The following ABCC3 variants were observed in gnomAD, a reference collection of about 807,000 sequenced individuals.
ABCC3 encodes ATP-binding cassette sub-family C member 3.
A neutral mutation model predicts 165.3 loss-of-function variants in ABCC3; 121 were observed. The observed-to-expected ratio is 0.73, with a 90% confidence interval of 0.63 to 0.85. The LOEUF (loss-of-function observed/expected upper bound fraction) is 0.85, where lower values mean the gene tolerates loss of function less well. Among genes scored for constraint, ABCC3 ranks in the 40% least tolerant of loss-of-function variants. The pLI is 0.00. For synonymous variants in ABCC3, 733 were observed against 810.1 expected, an observed-to-expected ratio of 0.90 and a Z score of 1.62; for missense variants, 1,869 against 1,964.1, an observed-to-expected ratio of 0.95 and a Z score of 0.92.
intron 30 of ABCC3, among the ~76,000 whole-genome samples, chr17:50,689,972 C>T (rs575300027): frequency 2.0e-5 from 3 of 152,214 alleles, no homozygotes; most frequent in South Asian, 2.1e-4. Context: ...ATAGGAAGGA[C>T]GCAAAGGCCT....
Position 50,678,187 on chromosome 17 carries a change from C to A in ABCC3, c.3673C>A (p.Leu1225Met). 6.5e-7 allele frequency: 1 copy of A among 1,538,208 alleles called. No homozygotes were observed. The highest frequency in any genetic ancestry group is 8.7e-7 in the Non-Finnish European group (1 of 1,143,882). Residue 1225 changes from leucine (L) to methionine (M), a missense_variant, in exon 25 of 31, where the codon CTG (leucine) becomes ATG (methionine). Leu to Met is a conservative substitution (Grantham distance 15). Transcript: ENST00000285238. ...CGGGAGGAGCAGCCTGAACCCGGGG[C>A]TGGTGGGCCTTTCTGTGTCCTACTC... ...VIGRSSLNPGLVGLSVSYSLQ... is the reference protein window; with the variant it reads ...VIGRSSLNPGMVGLSVSYSLQ...
intron 23 of ABCC3, 152 bp downstream of exon 23, chr17:50,676,740 C>A (rs1171330097): frequency 9.3e-6 from 7 of 748,872 alleles, no homozygotes; most frequent in African/African-American, 1.8e-5. Flanking sequence ...TTAGGGGAGC[C>A]ATTACTTAAC....
Position 50,655,916 on chromosome 17 carries a change from T to G in ABCC3, c.130T>G (p.Tyr44Asp), listed in dbSNP as rs755835594. ...CCTGCTGGCCTGGGTGCCCTGCATCTACCTGTGGGTCGCCCTGCCCTGCTA... is the reference window on the plus strand; with the variant it reads ...CCTGCTGGCCTGGGTGCCCTGCATCGACCTGTGGGTCGCCCTGCCCTGCTA... ...NSLLAWVPCI[Y>D]LWVALPCYLL... is the part of the protein sequence containing the mutation. Residue 44 changes from tyrosine (Y) to aspartate (D), a missense_variant, in exon 2 of 31, where the codon TAC becomes GAC. Tyr to Asp is a radical substitution (Grantham distance 160). Coordinates refer to ENST00000285238, the MANE Select transcript of ABCC3 (RefSeq NM_003786.4). The G allele has an allele frequency of 1.9e-6, 3 of 1,613,954 alleles. No individual in the cohort carries two copies. Among genetic ancestry groups the G allele is most frequent in the South Asian group, 1.1e-5 (1 of 91,080 alleles).
At chr17:50,659,843 G>A (rs911329252) in intron 7 of ABCC3, among the ~76,000 whole-genome samples, 2 of 152,126 alleles carry the variant, frequency 1.3e-5, no homozygotes, top group South Asian at 2.1e-4. Context: ...AAGATGAGCC[G>A]GGCATGGTGG....
At chr17:50,679,363 A>T (rs1208462636) in intron 25 of ABCC3, 1 of 154,342 alleles carries the variant, frequency 6.5e-6, no homozygotes, top group Non-Finnish European at 1.4e-5. Flanking sequence ...TAGACCTAGG[A>T]TGGGGCTCAG....
chr17:50,670,772 T>C (rs757252426), intron 17 of ABCC3, among the ~76,000 whole-genome samples: 3 of 152,114 alleles, frequency 2.0e-5, no homozygotes, highest in Non-Finnish European at 4.4e-5. Flanking sequence ...TCTGGGGCCA[T>C]GGAACCCTGT....
chr17:50,658,092 C>T lies in ABCC3; in HGVS notation c.497C>T (p.Ser166Leu), dbSNP rs750111001. Reference sequence around the variant, plus strand: ...CACTCTCCCACCCAGGGTGAGATCTCAGACCCCTTCCGCTTCACCACCTTC... The same window carrying T: ...CACTCTCCCACCCAGGGTGAGATCTTAGACCCCTTCCGCTTCACCACCTTC... ...ILLAKAEGEI[S>L]DPFRFTTFYI... The change falls in exon 5 of 31, where the codon TCA becomes TTA. Residue 166 changes from serine (S) to leucine (L), a missense_variant. Transcript: ENST00000285238. 2 of 1,614,074 alleles carry T rather than the reference C, an allele frequency of 1.2e-6. No homozygotes were observed. The highest frequency in any genetic ancestry group is 2.7e-5 in the African/African-American group (2 of 74,936).
Position 50,687,548 on chromosome 17 carries a change from G to A in ABCC3, c.4293G>A (p.Arg1431=). The change falls in exon 30 of 31, where the codon AGG becomes AGA. Residue 1431 remains arginine, a synonymous_variant. Transcript: ENST00000285238. Reference sequence around the variant, plus strand: ...TCTCCACTCCCAGCGTGGGCCAGAGGCAGCTCGTGTGCCTGGCCCGAGCCC... The same window carrying A: ...TCTCCACTCCCAGCGTGGGCCAGAGACAGCTCGTGTGCCTGGCCCGAGCCC... ...EGGENLSVGQ[R]QLVCLARALL... 1 of 1,613,460 alleles carries A rather than the reference G, an allele frequency of 6.2e-7. No individual in the cohort carries two copies. The highest frequency in any genetic ancestry group is 8.5e-7 in the Non-Finnish European group (1 of 1,180,000).
In ABCC3 at chr17:50,683,760, C is replaced by T. The variant is rs367641601; in HGVS notation, c.3954+4C>T. ...GCATGTGCACGGTGGCGAGAAGGTA[C>T]GCGTGGGGTAGGCGGGCCTGCGTGT... is the stretch of plus-strand genomic sequence containing the variant. On this transcript the variant is annotated splice_donor_region_variant and intron_variant, in intron 27 of 30. Coordinates refer to ENST00000285238, the MANE Select transcript of ABCC3 (RefSeq NM_003786.4). 3.3e-5 allele frequency: 53 copies of T among 1,602,668 alleles called. No individual in the cohort carries two copies. The highest frequency in any genetic ancestry group is 1.7e-4 in the Middle Eastern group (1 of 6,008).
chr17:50,651,611 T>C (rs934173258), intron 1 of ABCC3, among the ~76,000 whole-genome samples: 1 of 152,112 alleles, frequency 6.6e-6, no homozygotes, highest in Non-Finnish European at 1.5e-5. Context: ...TAGTCCCAGA[T>C]ACTTTGGCGG....
chr17:50,688,585 G>A (rs1428045758), intron 30 of ABCC3: 1 of 152,132 alleles, frequency 6.6e-6, no homozygotes, highest in African/African-American at 2.4e-5. Flanking sequence ...ATGCTTCGTG[G>A]GATTGTCGTA....
At chr17:50,637,827 G>C (rs1262610466) in intron 1 of ABCC3, among the ~76,000 whole-genome samples, 1 of 152,262 alleles carries the variant, frequency 6.6e-6, no homozygotes, top group Non-Finnish European at 1.5e-5. Flanking sequence ...GAAAATGTCA[G>C]ACGTGGGAAG....
chr17:50,636,385 A>G (rs919832461), intron 1 of ABCC3, among the ~76,000 whole-genome samples: 1 of 151,900 alleles, frequency 6.6e-6, no homozygotes, highest in African/African-American at 2.4e-5. Context: ...AAAAAACTGT[A>G]AAAAGGCATA....
At chr17:50,655,166 C>T (rs1364949405) in intron 1 of ABCC3, among the ~76,000 whole-genome samples, 3 of 146,440 alleles carry the variant, frequency 2.0e-5, no homozygotes, top group East Asian at 2.0e-4. Flanking sequence ...CCAGCACTTT[C>T]GGAGGCCGAT....
intron 23 of ABCC3, among the ~76,000 whole-genome samples, chr17:50,677,383 T>C (rs766062369): frequency 6.6e-6 from 1 of 152,180 alleles, no homozygotes. Flanking sequence ...TTCCCGGGGA[T>C]AGATGCTCAA....
chr17:50,659,703 G>A (rs1967335279), intron 7 of ABCC3, among the ~76,000 whole-genome samples: 2 of 152,072 alleles, frequency 1.3e-5, no homozygotes, highest in Non-Finnish European at 2.9e-5. Flanking sequence ...GGGACACTGG[G>A]GCCGGGTGTG....
intron 1 of ABCC3, among the ~76,000 whole-genome samples, chr17:50,651,505 T>C (rs1024446703): frequency 6.6e-6 from 1 of 152,168 alleles, no homozygotes; most frequent in Non-Finnish European, 1.5e-5. Flanking sequence ...GGTGGAACAC[T>C]TGACCTCAGG....
chr17:50,680,231 G>T (rs1967904437), intron 26 of ABCC3, among the ~76,000 whole-genome samples: 1 of 152,190 alleles, frequency 6.6e-6, no homozygotes, highest in Non-Finnish European at 1.5e-5. Context: ...GTGACCAGGG[G>T]AGACGAGCTT....
intron 1 of ABCC3, among the ~76,000 whole-genome samples, chr17:50,654,824 G>T (rs1967189251): frequency 1.3e-5 from 2 of 152,056 alleles, no homozygotes; most frequent in South Asian, 4.2e-4. Context: ...CAGGCGCAGT[G>T]GCTCACGCCT....
Sources: gnomAD v4.1 joint callset for allele counts (sites outside exome capture counted in the v4.1 genomes callset) on GRCh38, gnomAD v4.1.1 for gene constraint, MANE v1.5 for transcripts, NCBI Gene and HGNC (gene_info 2026-07-23, HGNC 2026-07-21) for gene names.